The following TULP4 variants were observed in gnomAD, a reference collection of about 807,000 sequenced individuals.
The protein encoded by TULP4 is tubby-related protein 4.
Under a neutral mutation model 129.0 loss-of-function variants are expected in TULP4, and 16 were observed. That is an observed-to-expected ratio of 0.12 (90% CI 0.08 to 0.19). The LOEUF (loss-of-function observed/expected upper bound fraction) is 0.19, where lower values mean the gene tolerates loss of function less well. TULP4 is among the 10% of genes least tolerant of loss of function. The pLI, the probability that TULP4 is intolerant of heterozygous loss-of-function variation, is 1.00. For missense variants in TULP4, 1,842 were observed against 2,059.1 expected, an observed-to-expected ratio of 0.89 and a Z score of 2.04; for synonymous variants, 998 against 854.0, an observed-to-expected ratio of 1.17 and a Z score of -2.94.
intron 3 of TULP4, among the ~76,000 whole-genome samples, chr6:158,445,983 T>TACAAACAGGAGCC (rs1291080601): frequency 6.6e-6 from 1 of 152,168 alleles, no homozygotes; most frequent in African/African-American, 2.4e-5. Flanking sequence ...CGGAGAATTC[T>TACAAACAGGAGCC]ACAAACAGGA....
intron 6 of TULP4, among the ~76,000 whole-genome samples, chr6:158,464,566 T>A (rs1779514144): frequency 6.6e-6 from 1 of 152,210 alleles, no homozygotes; most frequent in Non-Finnish European, 1.5e-5. Flanking sequence ...CACTGCAACC[T>A]CTGCCTCCCG....
At chr6:158,280,094 A>G (rs150237091), upstream of TULP4, among the ~76,000 whole-genome samples, 142 of 152,318 alleles carry the variant, frequency 9.3e-4, no homozygotes, top group African/African-American at 3.2e-3. Flanking sequence ...CGTGTATTCC[A>G]TCGCCATTTC....
chr6:158,394,711 C>T (rs1108278), intron 1 of TULP4, among the ~76,000 whole-genome samples: 33,419 of 136,528 alleles, frequency 0.24, 4,691 homozygotes, highest in Middle Eastern at 0.4. Flanking sequence ...GGCGTGAACC[C>T]GGGAGGCGGA....
chr6:158,384,662 T>A (rs1404565617), intron 1 of TULP4, among the ~76,000 whole-genome samples: 1 of 152,192 alleles, frequency 6.6e-6, no homozygotes, highest in East Asian at 1.9e-4. Flanking sequence ...TGAATTTGTT[T>A]GACAGGTGAT....
chr6:158,399,996 T>A (rs951731830), intron 1 of TULP4, among the ~76,000 whole-genome samples: 13 of 152,254 alleles, frequency 8.5e-5, no homozygotes, highest in African/African-American at 3.1e-4. Context: ...CAAGAGAAGG[T>A]GCTAGCTACC....
At chr6:158,377,540 A>G (rs901981070) in intron 1 of TULP4, among the ~76,000 whole-genome samples, 2 of 152,236 alleles carry the variant, frequency 1.3e-5, no homozygotes, top group African/African-American at 2.4e-5. Flanking sequence ...GACATTTCAA[A>G]TCTTCACTTG....
chr6:158,233,612 C>T (rs1187905041), intron 1 of TULP4, among the ~76,000 whole-genome samples: 2 of 152,178 alleles, frequency 1.3e-5, no homozygotes, highest in African/African-American at 4.8e-5. Flanking sequence ...GACAGGGCAC[C>T]TTGCACATAG....
intron 1 of TULP4, among the ~76,000 whole-genome samples, chr6:158,256,313 A>G (rs9348209): frequency 0.33 from 49,992 of 152,050 alleles, 9,223 homozygotes; most frequent in Admixed American, 0.45. Flanking sequence ...GTATGTATGT[A>G]TATATATAAC....
chr6:158,427,471 C>CTTTTT lies in TULP4; in HGVS notation c.382-2228_382-2224dup, dbSNP rs557678837. On this transcript the variant is annotated intron_variant, in intron 2 of 13. Transcript: ENST00000367097. ...AAATTCCTTTTCAAAATTATCAGAC[C>CTTTTT]TTTTTTTTTTTTTTTTTTTTTTTTT... 3.8e-3 allele frequency among the ~76,000 whole-genome samples: 278 copies of CTTTTT among 74,126 alleles called. 51 individuals are homozygous for CTTTTT. Among genetic ancestry groups the CTTTTT allele is most frequent in the African/African-American group, 6.1e-3 (99 of 16,108 alleles). 48.6% of individuals were successfully genotyped at this position (74,126 alleles called of 152,430 possible). A position where few individuals can be genotyped will look rare whatever the true frequency, so the allele number is the denominator to read the frequency against.
chr6:158,404,403 C>T (rs1012988586), intron 1 of TULP4, among the ~76,000 whole-genome samples: 3 of 152,146 alleles, frequency 2.0e-5, no homozygotes, highest in African/African-American at 7.2e-5. Context: ...GTGTATGTTA[C>T]ATTTTTTCTG....
intron 1 of TULP4, among the ~76,000 whole-genome samples, chr6:158,265,621 G>A (rs903814320): frequency 2.0e-5 from 3 of 151,830 alleles, no homozygotes; most frequent in African/African-American, 7.3e-5. Flanking sequence ...GGCGGAGGTT[G>A]CAGTGAGCCA....
At chr6:158,446,156 T>G (rs1398955883) in intron 3 of TULP4, among the ~76,000 whole-genome samples, 1 of 152,228 alleles carries the variant, frequency 6.6e-6, no homozygotes, top group African/African-American at 2.4e-5. Flanking sequence ...TAAAAGTGAT[T>G]AGGCATGAAA....
intron 1 of TULP4, among the ~76,000 whole-genome samples, chr6:158,406,703 G>A (rs955324556): frequency 6.6e-6 from 1 of 152,236 alleles, no homozygotes; most frequent in African/African-American, 2.4e-5. Flanking sequence ...TAATAGATGA[G>A]AAGCATGGAA....
At chr6:158,297,596 T>G (rs1026934217) in intron 1 of TULP4, among the ~76,000 whole-genome samples, 1 of 152,124 alleles carries the variant, frequency 6.6e-6, no homozygotes. Flanking sequence ...GCTTAAGAAA[T>G]TATAAAAGTA....
chr6:158,397,190 G>A (rs1270071867), intron 1 of TULP4, among the ~76,000 whole-genome samples: 1 of 152,208 alleles, frequency 6.6e-6, no homozygotes, highest in Non-Finnish European at 1.5e-5. Flanking sequence ...AGGGGCAAGG[G>A]TCAGTCCTGG....
chr6:158,326,468 TG>T (rs1779750448), intron 1 of TULP4, among the ~76,000 whole-genome samples: 1 of 152,260 alleles, frequency 6.6e-6, no homozygotes, highest in South Asian at 2.1e-4. Flanking sequence ...GAATTCTCTT[TG>T]CCCCCTATTT....
intron 11 of TULP4, among the ~76,000 whole-genome samples, chr6:158,497,910 A>G (rs940078745): frequency 6.6e-6 from 1 of 152,270 alleles, no homozygotes; most frequent in Non-Finnish European, 1.5e-5. Context: ...AGGAGAGACT[A>G]TTGAACACAA....
At chr6:158,473,593 A>C (rs1231636929) in intron 6 of TULP4, among the ~76,000 whole-genome samples, 3 of 152,202 alleles carry the variant, frequency 2.0e-5, no homozygotes, top group Admixed American at 6.5e-5. Flanking sequence ...ATCTCAGCTC[A>C]CTGCAACCTC....
intron 1 of TULP4, among the ~76,000 whole-genome samples, chr6:158,362,932 GGTGC>G (rs1290060719): frequency 6.6e-6 from 1 of 152,018 alleles, no homozygotes; most frequent in South Asian, 2.1e-4. Context: ...TGCAGTGGCA[GGTGC>G]CTGTAATCCC....
Sources: allele counts gnomAD v4.1 joint callset (sites outside exome capture counted in the v4.1 genomes callset), GRCh38; gene constraint gnomAD v4.1.1; transcripts MANE v1.5; gene names NCBI Gene and HGNC (gene_info 2026-07-23, HGNC 2026-07-21).